Variants in CUX1 observed in about 807,000 individuals in gnomAD.
CUX1 encodes protein CASP.
A neutral mutation model predicts 158.8 loss-of-function variants in CUX1; 31 were observed. The ratio of observed to expected loss-of-function variants is 0.20; its 90% CI spans 0.15 to 0.26. The LOEUF is 0.26. CUX1 is among the 10% of genes least tolerant of loss of function. The pLI is 1.00. For missense variants in CUX1, 1,589 were observed against 2,014.6 expected, an observed-to-expected ratio of 0.79 and a Z score of 4.04; for synonymous variants, 879 against 862.1, an observed-to-expected ratio of 1.02 and a Z score of -0.34.
intron 8 of CUX1, among the ~76,000 whole-genome samples, chr7:102,129,018 A>C (rs1412227206): frequency 6.6e-6 from 1 of 151,756 alleles, no homozygotes; most frequent in Non-Finnish European, 1.5e-5. Flanking sequence ...CTGGTACAGG[A>C]CCTCTATAAA....
chr7:101,916,019 T>G lies in CUX1; in HGVS notation c.31-96T>G. ...TTGATGTTCCTTAGAGCCACTGGGG[T>G]CTCTCCCCCAGTGTTCTGGTCAAAT... is the stretch of plus-strand genomic sequence containing the variant. On this transcript the variant is annotated intron_variant, in intron 1 of 23. Coordinates refer to ENST00000292535, the MANE Select transcript of CUX1 (RefSeq NM_181552.4). The surrounding 1 kb of genome is among the most constrained non-coding windows in gnomAD (Gnocchi z 4.4). 1 of 815,700 alleles carries G rather than the reference T, an allele frequency of 1.2e-6. No individual in the cohort carries two copies. The highest frequency in any genetic ancestry group is 2.1e-6 in the Non-Finnish European group (1 of 467,808). The allele number at this position is 815,700 out of a possible 1,614,324, so 50.5% of individuals were successfully genotyped here.
chr7:101,991,885 G>C (rs1006831183), intron 2 of CUX1, among the ~76,000 whole-genome samples: 1 of 151,990 alleles, frequency 6.6e-6, no homozygotes, highest in African/African-American at 2.4e-5. Flanking sequence ...AACATAGCAA[G>C]ACCTCATCTC....
intron 11 of CUX1, among the ~76,000 whole-genome samples, chr7:102,183,542 A>C (rs545106129): frequency 6.6e-6 from 1 of 152,204 alleles, no homozygotes; most frequent in South Asian, 2.1e-4. Context: ...CTGCCTGAGG[A>C]ACCATGGAGA....
chr7:102,262,081 C>T (rs891302598), downstream of CUX1, among the ~76,000 whole-genome samples: 27 of 152,150 alleles, frequency 1.8e-4, no homozygotes, highest in Non-Finnish European at 2.9e-4. Context: ...CACTGCACTC[C>T]GGCCTGGGTG....
intron 6 of CUX1, among the ~76,000 whole-genome samples, chr7:102,106,040 G>GCTGA (rs1830307218): frequency 6.9e-6 from 1 of 145,866 alleles, no homozygotes; most frequent in Non-Finnish European, 1.5e-5. Context: ...ATTTTCAGTT[G>GCTGA]ACTTCCTATG....
At position 101,907,723 on chromosome 7, in the gene CUX1, G is replaced by A. The variant is rs117807679; in HGVS notation, c.31-8392G>A. On this transcript the variant is annotated intron_variant, in intron 1 of 23. Coordinates refer to ENST00000292535, the MANE Select transcript of CUX1 (RefSeq NM_181552.4). ...AGGTTCTCCTTTAAATGGAGCCCAC[G>A]AAGAGAACAAATGAACTTTCTGCAA... Among the ~76,000 whole-genome samples the A allele has an allele frequency of 1.2e-3, 190 of 152,082 alleles. 1 individual carries two copies. Among genetic ancestry groups the A allele is most frequent in the Non-Finnish European group, 1.8e-3 (125 of 67,990 alleles).
chr7:101,830,257 A>G (rs1356285688), intron 1 of CUX1, among the ~76,000 whole-genome samples: 1 of 152,196 alleles, frequency 6.6e-6, no homozygotes, highest in East Asian at 1.9e-4. Context: ...GGCAGCACCC[A>G]CCACGCAGGC....
intron 1 of CUX1, among the ~76,000 whole-genome samples, chr7:101,841,159 C>G (rs1375340174): frequency 6.6e-6 from 1 of 152,190 alleles, no homozygotes; most frequent in African/African-American, 2.4e-5. Flanking sequence ...TCCCAAAGTG[C>G]TGGGATTACA....
intron 6 of CUX1, among the ~76,000 whole-genome samples, chr7:102,106,479 A>T (rs1374004066): frequency 2.0e-5 from 3 of 152,102 alleles, no homozygotes; most frequent in Non-Finnish European, 4.4e-5. Flanking sequence ...GACTAGCTAA[A>T]ACAGGGCCTG....
intron 3 of CUX1, among the ~76,000 whole-genome samples, chr7:102,057,611 T>C (rs1361765212): frequency 1.3e-5 from 2 of 152,112 alleles, no homozygotes; most frequent in African/African-American, 4.8e-5. Context: ...GAACTGCAGA[T>C]GCGGGGGAAA....
At chr7:102,040,820 G>A (rs1409529100) in intron 3 of CUX1, among the ~76,000 whole-genome samples, 2 of 152,210 alleles carry the variant, frequency 1.3e-5, no homozygotes, top group African/African-American at 2.4e-5. Flanking sequence ...GGTGAGTCTC[G>A]GGGCCTCTTT....
At chr7:102,050,702 A>G (rs1823394452) in intron 3 of CUX1, among the ~76,000 whole-genome samples, 1 of 150,600 alleles carries the variant, frequency 6.6e-6, no homozygotes, top group Non-Finnish European at 1.5e-5. Flanking sequence ...TATTATTATT[A>G]TTATTATTAT....
chr7:102,096,471 G>A (rs191226218), intron 4 of CUX1, among the ~76,000 whole-genome samples: 31 of 152,304 alleles, frequency 2.0e-4, no homozygotes, highest in African/African-American at 6.7e-4. Context: ...CCTTTGGGAG[G>A]CTGAGGCGGT....
At chr7:102,151,787 C>T (rs1835712686) in intron 8 of CUX1, among the ~76,000 whole-genome samples, 1 of 148,542 alleles carries the variant, frequency 6.7e-6, no homozygotes, top group East Asian at 2.0e-4. Flanking sequence ...CAAAGCAAGA[C>T]CCGCCTCCTT....
At chr7:101,851,748 T>G (rs1186237248) in intron 1 of CUX1, among the ~76,000 whole-genome samples, 2 of 152,202 alleles carry the variant, frequency 1.3e-5, no homozygotes, top group Non-Finnish European at 2.9e-5. Context: ...TTTTCTGTCT[T>G]CCAGAGTTGC....
Position 102,025,377 on chromosome 7 carries a change from C to T in CUX1, c.142-2721C>T, listed in dbSNP as rs558337284. ...CATGGTGGCTCACGCCTGTAATCCA[C>T]AGCACTTCAGGAGACCAAGGCAGGC... On this transcript the variant is annotated intron_variant, in intron 2 of 23. Transcript: ENST00000292535. 2.6e-4 allele frequency among the ~76,000 whole-genome samples: 39 copies of T among 152,244 alleles called. 1 individual carries two copies. The South Asian group carries it at 7.9e-3, about 31-fold the overall frequency.
intron 2 of CUX1, among the ~76,000 whole-genome samples, chr7:101,963,470 C>T (rs888593016): frequency 1.3e-5 from 2 of 152,204 alleles, no homozygotes; most frequent in African/African-American, 4.8e-5. Context: ...CCTCTACTCT[C>T]ACCTCTTCTC....
At chr7:102,093,317 C>T (rs1264074579) in intron 4 of CUX1, among the ~76,000 whole-genome samples, 1 of 151,966 alleles carries the variant, frequency 6.6e-6, no homozygotes, top group African/African-American at 2.4e-5. Flanking sequence ...TCCCAAGGAG[C>T]TGGGACTACA....
At position 101,976,900 on chromosome 7, in the gene CUX1, A is replaced by ATTTTTTTTTTTTTTT. The variant is rs10643207; in HGVS notation, c.142-51184_142-51170dup. Among the ~76,000 whole-genome samples the ATTTTTTTTTTTTTTT allele has an allele frequency of 5.3e-4, 21 of 39,456 alleles. 6 individuals carry two copies. The highest frequency in any genetic ancestry group is 3.2e-3 in the South Asian group (2 of 624). The allele number at this position is 39,456 out of a possible 152,430, so 25.9% of individuals were successfully genotyped here. A position where few individuals can be genotyped will look rare whatever the true frequency, so the allele number is the denominator to read the frequency against. On this transcript the variant is annotated intron_variant, in intron 2 of 23. Transcript: ENST00000292535. ...ATTTGAATAGTCTTTTCCCTTTCTG[A>ATTTTTTTTTTTTTTT]TTTTTTTTTTTTTTTTTTTTTTTTT...
Sources: allele counts gnomAD v4.1 joint callset (sites outside exome capture counted in the v4.1 genomes callset), GRCh38; gene constraint gnomAD v4.1.1; non-coding constraint Gnocchi (gnomAD v3.1); transcripts MANE v1.5; gene names NCBI Gene and HGNC (gene_info 2026-07-23, HGNC 2026-07-21).